Variants in SPARCL1 observed in about 807,000 individuals in gnomAD.
The protein encoded by SPARCL1 is SPARC-like protein 1.
In SPARCL1, 52 loss-of-function variants were observed where a neutral mutation model predicts 67.1. The ratio of observed to expected loss-of-function variants is 0.78; its 90% CI spans 0.62 to 0.98. The LOEUF (loss-of-function observed/expected upper bound fraction) is 0.98. SPARCL1 is among the 50% of genes least tolerant of loss of function. The pLI is 0.00. For synonymous variants in SPARCL1, 226 were observed against 267.8 expected, an observed-to-expected ratio of 0.84 and a Z score of 1.52; for missense variants, 717 against 782.4, an observed-to-expected ratio of 0.92 and a Z score of 1.00.
Position 87,493,971 on chromosome 4 carries a change from C to T in SPARCL1, c.829G>A (p.Glu277Lys). ...TTGACGTTCGATGCATTTTCCTCTT[C>T]CATTTCTGCATTGGAGTTATCTTCT... ...EQEDNSNAEM[E>K]EENASNVNKH... Residue 277 changes from glutamate to lysine, a missense_variant, in exon 4 of 11, where the codon GAA (glutamate) becomes AAA (lysine). Physicochemically the swap from Glu to Lys is moderately conservative, Grantham distance 56. Transcript: ENST00000282470. The T allele has an allele frequency of 1.9e-6, 3 of 1,614,140 alleles. No individual in the cohort carries two copies. The highest frequency in any genetic ancestry group is 2.5e-6 in the Non-Finnish European group (3 of 1,180,028).
At chr4:87,479,024 T>C (rs1345433152) in intron 10 of SPARCL1, among the ~76,000 whole-genome samples, 2 of 152,180 alleles carry the variant, frequency 1.3e-5, no homozygotes, top group African/African-American at 4.8e-5. Flanking sequence ...TGTTCTGACA[T>C]CTCCCATTGT....
At chr4:87,481,616 A>G (rs920932895) in intron 8 of SPARCL1, among the ~76,000 whole-genome samples, 1 of 152,140 alleles carries the variant, frequency 6.6e-6, no homozygotes, top group Non-Finnish European at 1.5e-5. Context: ...CTCATAACCT[A>G]TAAACAGCAT....
intron 1 of SPARCL1, among the ~76,000 whole-genome samples, chr4:87,510,496 C>G (rs1725301757): frequency 6.6e-6 from 1 of 152,210 alleles, no homozygotes; most frequent in African/African-American, 2.4e-5. Context: ...CCCCAGAACT[C>G]AGCCAGCAGA....
intron 8 of SPARCL1, 117 bp downstream of exon 8, chr4:87,482,307 A>G (rs555971798): frequency 1.2e-5 from 13 of 1,053,886 alleles, no homozygotes; most frequent in Non-Finnish European, 1.8e-5. Context: ...CTAACCGGGC[A>G]TGGGGAAGCA....
At chr4:87,489,533 C>T (rs756498816) in intron 7 of SPARCL1, among the ~76,000 whole-genome samples, 2 of 152,164 alleles carry the variant, frequency 1.3e-5, no homozygotes, top group Non-Finnish European at 2.9e-5. Flanking sequence ...CTTATTTGGC[C>T]ATCTTGCCAG....
At chr4:87,489,984 A>G (rs1426408304) in intron 7 of SPARCL1, among the ~76,000 whole-genome samples, 1 of 152,220 alleles carries the variant, frequency 6.6e-6, no homozygotes, top group African/African-American at 2.4e-5. Flanking sequence ...GATTAAGTGG[A>G]TAGCATTATC....
rs1403225737 is a variant in SPARCL1 at position 87,522,681 on chromosome 4, ACG to A, written c.-12+6362_-12+6363del. Among the ~76,000 whole-genome samples, 126 of 147,486 alleles carry A rather than the reference ACG, an allele frequency of 8.5e-4. No homozygotes were observed. In the East Asian group the frequency reaches 0.018, roughly 21 times the overall value. ...CACACACACACACACACACACACAC[ACG>A]CACACACACAGAGTTAACCTCTATT... On this transcript the variant is annotated intron_variant, in intron 1 of 10. Coordinates refer to ENST00000282470, the MANE Select transcript of SPARCL1 (RefSeq NM_004684.6).
intron 1 of SPARCL1, among the ~76,000 whole-genome samples, chr4:87,525,354 T>C (rs1006988720): frequency 3.3e-5 from 5 of 152,128 alleles, no homozygotes; most frequent in African/African-American, 1.2e-4. Flanking sequence ...ATTTCACAGA[T>C]GAGAAGACAG....
Position 87,493,675 on chromosome 4 carries a change from T to C in SPARCL1, c.1125A>G (p.Gln375=), listed in dbSNP as rs758614779. Residue 375 remains glutamine, a synonymous_variant, in exon 4 of 11, where the codon CAA becomes CAG. Transcript: ENST00000282470. ...CAATTTTGAGGTGATAGGCAATGGA[T>C]TGAGCTCTCTCGGCCTCCAGAAAGG... ...SQAFLEAERA[Q]SIAYHLKIEE... The C allele has an allele frequency of 5.0e-6, 8 of 1,614,166 alleles. No homozygotes were observed. The highest frequency in any genetic ancestry group is 6.8e-6 in the Non-Finnish European group (8 of 1,180,018).
intron 7 of SPARCL1, among the ~76,000 whole-genome samples, chr4:87,489,963 T>A (rs140269421): frequency 2.4e-4 from 36 of 152,314 alleles, no homozygotes; most frequent in African/African-American, 6.7e-4. Context: ...ATTCCAGTGA[T>A]TCAACTCTGT....
Position 87,479,593 on chromosome 4 carries a change from A to G in SPARCL1, c.1818-15T>C. ...GTGTCAAGACTCTGCAATGAAATAC[A>G]TGGCATCCTATTAATTGAGTAGCTT... On this transcript the variant is annotated splice_polypyrimidine_tract_variant and intron_variant, in intron 9 of 10. Transcript: ENST00000282470. 4 of 1,612,122 alleles carry G rather than the reference A, an allele frequency of 2.5e-6. No homozygotes were observed. The highest frequency in any genetic ancestry group is 2.5e-6 in the Non-Finnish European group (3 of 1,179,184).
At chr4:87,474,743 C>CTTTTTTTTTTTT (rs11397474) in intron 10 of SPARCL1, among the ~76,000 whole-genome samples, 5 of 130,730 alleles carry the variant, frequency 3.8e-5, no homozygotes, top group African/African-American at 8.9e-5. Context: ...CTCTCTCTCT[C>CTTTTTTTTTTTT]TTTTTTTTTT....
At chr4:87,476,986 T>C (rs1220817717) in intron 10 of SPARCL1, among the ~76,000 whole-genome samples, 1 of 152,250 alleles carries the variant, frequency 6.6e-6, no homozygotes, top group Non-Finnish European at 1.5e-5. Flanking sequence ...ATTTAATATC[T>C]GCTTTATTGG....
intron 1 of SPARCL1, among the ~76,000 whole-genome samples, chr4:87,501,669 T>G (rs1164692279): frequency 6.6e-6 from 1 of 152,164 alleles, no homozygotes; most frequent in Non-Finnish European, 1.5e-5. Context: ...GGCCCTAGTC[T>G]TCTGAAATAT....
intron 5 of SPARCL1, 25 bp downstream of exon 5, chr4:87,491,593 A>G: frequency 1.3e-6 from 2 of 1,587,524 alleles, no homozygotes; most frequent in African/African-American, 1.3e-5. Flanking sequence ...TATAGTCACA[A>G]ACAGCTTGCT....
At chr4:87,523,318 C>CA (rs1444366758) in intron 1 of SPARCL1, among the ~76,000 whole-genome samples, 1 of 151,496 alleles carries the variant, frequency 6.6e-6, no homozygotes, top group Admixed American at 6.6e-5. Flanking sequence ...GTCACCTTGA[C>CA]AAAATGGATG....
rs142212016 is a variant in SPARCL1 at position 87,496,515 on chromosome 4, G to A, written c.55-1388C>T. 2.5e-3 allele frequency among the ~76,000 whole-genome samples: 378 copies of A among 152,170 alleles called. 2 individuals are homozygous for A. Among genetic ancestry groups the A allele is most frequent in the South Asian group, 0.014 (67 of 4,818 alleles). On this transcript the variant is annotated intron_variant, in intron 2 of 10. Coordinates refer to ENST00000282470, the MANE Select transcript of SPARCL1 (RefSeq NM_004684.6). ...ATTACAGGTGTGAGCCACCATGACCGGCCAAGGTCATTAATTTCTACCCTG... is the reference window on the plus strand; with the variant it reads ...ATTACAGGTGTGAGCCACCATGACCAGCCAAGGTCATTAATTTCTACCCTG...
At chr4:87,520,218 GCC>G (rs1194952902) in intron 1 of SPARCL1, among the ~76,000 whole-genome samples, 1 of 135,902 alleles carries the variant, frequency 7.4e-6, no homozygotes, top group Non-Finnish European at 1.5e-5. Flanking sequence ...CTGTACTCTA[GCC>G]TGGGTGACAG....
Position 87,494,045 on chromosome 4 carries a change from T to C in SPARCL1, c.755A>G (p.Gln252Arg). The C allele has an allele frequency of 6.2e-7, 1 of 1,614,074 alleles. No homozygotes were observed. The highest frequency in any genetic ancestry group is 8.5e-7 in the Non-Finnish European group (1 of 1,179,986). ...TTCATCCTCCTGCATCTTGCTTACT[T>C]GAGTTGGTTGATCAGACTCTTCCAA... is the stretch of plus-strand genomic sequence containing the variant. ...DILEESDQPTQVSKMQEDEFD... is the reference protein window; with the variant it reads ...DILEESDQPTRVSKMQEDEFD... The change falls in exon 4 of 11, where the codon CAA becomes CGA. Residue 252 changes from glutamine (Q) to arginine (R), a missense_variant. Coordinates refer to ENST00000282470, the MANE Select transcript of SPARCL1 (RefSeq NM_004684.6).
Sources: gnomAD v4.1 joint callset for allele counts (sites outside exome capture counted in the v4.1 genomes callset) on GRCh38, gnomAD v4.1.1 for gene constraint, MANE v1.5 for transcripts, NCBI Gene and HGNC (gene_info 2026-07-23, HGNC 2026-07-21) for gene names.